The following SMYD3 variants were observed in gnomAD, a reference collection of about 807,000 sequenced individuals.
The protein encoded by SMYD3 is SET and MYND domain containing 3, also known as histone-lysine N-methyltransferase SMYD3.
A neutral mutation model predicts 57.7 loss-of-function variants in SMYD3; 36 were observed. The observed-to-expected ratio is 0.62, with a 90% confidence interval of 0.48 to 0.82. The LOEUF is 0.82. SMYD3 is among the 40% of genes least tolerant of loss of function. The pLI is 0.00. For synonymous variants in SMYD3, 211 were observed against 195.0 expected (o/e 1.08, Z -0.68); for missense variants, 515 against 538.8 (o/e 0.96, Z 0.44).
At chr1:246,420,775 T>C (rs778754925) in intron 1 of SMYD3, among the ~76,000 whole-genome samples, 2 of 152,188 alleles carry the variant, frequency 1.3e-5, no homozygotes, top group Non-Finnish European at 2.9e-5. Context: ...ACTAAAATTA[T>C]AGCATAGGTT....
intron 5 of SMYD3, among the ~76,000 whole-genome samples, chr1:246,004,166 C>G (rs1037936213): frequency 3.9e-5 from 6 of 152,226 alleles, no homozygotes; most frequent in African/African-American, 1.4e-4. Flanking sequence ...ACAGTGCTAA[C>G]ATCTAGAAGG....
chr1:245,847,129 A>G (rs1167828645), intron 10 of SMYD3, among the ~76,000 whole-genome samples: 1 of 152,062 alleles, frequency 6.6e-6, no homozygotes, highest in Non-Finnish European at 1.5e-5. Flanking sequence ...AATAGTACAC[A>G]TTTTTCCATT....
chr1:246,142,822 C>G (rs2061779321), intron 5 of SMYD3, among the ~76,000 whole-genome samples: 1 of 152,094 alleles, frequency 6.6e-6, no homozygotes, highest in South Asian at 2.1e-4. Context: ...TTCTGGACAC[C>G]TACAAACACA....
In SMYD3 at chr1:245,794,990, T is replaced by C. The variant is rs138641164; in HGVS notation, c.1077-30841A>G. Among the ~76,000 whole-genome samples the C allele has an allele frequency of 9.2e-5, 14 of 152,322 alleles. No individual in the cohort carries two copies. The East Asian group carries it at 2.5e-3, about 27-fold the overall frequency. ...AATTTCTGATTGTGAATCTCAGTGG[T>C]TCTCTTTTTGATGCTCTATTTCTTT... On this transcript the variant is annotated intron_variant, in intron 10 of 11. Transcript: ENST00000490107.
chr1:245,836,599 T>C (rs2050118445), intron 10 of SMYD3, among the ~76,000 whole-genome samples: 2 of 152,186 alleles, frequency 1.3e-5, no homozygotes, highest in Non-Finnish European at 2.9e-5. Context: ...TGGACCGTCC[T>C]AAACATGTGA....
chr1:246,435,560 T>C (rs1184329710), intron 1 of SMYD3, among the ~76,000 whole-genome samples: 1 of 151,900 alleles, frequency 6.6e-6, no homozygotes, highest in Non-Finnish European at 1.5e-5. Context: ...GTAACTGTAA[T>C]ACTAGATAAG....
intron 10 of SMYD3, among the ~76,000 whole-genome samples, chr1:245,818,347 G>C (rs1228630899): frequency 2.6e-5 from 4 of 151,968 alleles, no homozygotes; most frequent in South Asian, 2.1e-4. Flanking sequence ...CAAATGCTGA[G>C]AGATTTTGTC....
intron 11 of SMYD3, among the ~76,000 whole-genome samples, chr1:245,763,165 G>A (rs2045925480): frequency 6.6e-6 from 1 of 152,206 alleles, no homozygotes; most frequent in Admixed American, 6.5e-5. Flanking sequence ...TTAGTTTCTT[G>A]ACACTTATTG....
At chr1:246,463,545 C>T (rs139893354) in intron 1 of SMYD3, among the ~76,000 whole-genome samples, 1,978 of 151,048 alleles carry the variant, frequency 0.013, 40 homozygotes, top group African/African-American at 0.044. Flanking sequence ...GGGCCAGGCA[C>T]GGTGGCTCAC....
chr1:246,009,303 A>G (rs1222688925), intron 5 of SMYD3, among the ~76,000 whole-genome samples: 3 of 152,192 alleles, frequency 2.0e-5, no homozygotes, highest in Non-Finnish European at 4.4e-5. Context: ...TGATTTGTCT[A>G]GGTTGTTTTT....
chr1:246,270,459 A>G (rs1017972569), intron 5 of SMYD3, among the ~76,000 whole-genome samples: 1 of 152,218 alleles, frequency 6.6e-6, no homozygotes, highest in Non-Finnish European at 1.5e-5. Flanking sequence ...TAAATTCATT[A>G]AACAGTAACT....
chr1:245,792,138 T>C (rs982748773), intron 10 of SMYD3, among the ~76,000 whole-genome samples: 1 of 152,186 alleles, frequency 6.6e-6, no homozygotes, highest in Non-Finnish European at 1.5e-5. Flanking sequence ...CTCATTCATT[T>C]ATTCATTCTC....
rs2068479629 is a variant in SMYD3 at position 246,502,934 on chromosome 1, C to G, written c.164+4120G>C. On this transcript the variant is annotated intron_variant, in intron 1 of 11. Transcript: ENST00000490107. ...AGTGGTATGAGAGCATTTCAGAATCCCCTGGTACCACAAACTCAACTATCT... is the reference window on the plus strand; with the variant it reads ...AGTGGTATGAGAGCATTTCAGAATCGCCTGGTACCACAAACTCAACTATCT... 1.3e-5 allele frequency among the ~76,000 whole-genome samples: 2 copies of G among 152,232 alleles called. 1 individual carries two copies. The highest frequency in any genetic ancestry group is 2.9e-5 in the Non-Finnish European group (2 of 68,008).
chr1:246,109,605 T>G (rs1054477431), intron 5 of SMYD3, among the ~76,000 whole-genome samples: 1 of 152,248 alleles, frequency 6.6e-6, no homozygotes, highest in African/African-American at 2.4e-5. Flanking sequence ...AGAAAGCCAT[T>G]AACCTGCATT....
At chr1:246,486,275 T>G (rs1470581646) in intron 1 of SMYD3, among the ~76,000 whole-genome samples, 1 of 152,190 alleles carries the variant, frequency 6.6e-6, no homozygotes, top group Non-Finnish European at 1.5e-5. Flanking sequence ...CCAGAATCTA[T>G]CTGACAACAA....
chr1:246,147,124 G>A (rs938132352), intron 5 of SMYD3, among the ~76,000 whole-genome samples: 3 of 152,122 alleles, frequency 2.0e-5, no homozygotes, highest in African/African-American at 7.2e-5. Flanking sequence ...CCATATGTTC[G>A]CTGGTCAGGT....
intron 5 of SMYD3, among the ~76,000 whole-genome samples, chr1:245,965,056 G>GA (rs1284517977): frequency 6.6e-6 from 1 of 151,582 alleles, no homozygotes; most frequent in African/African-American, 2.4e-5. Context: ...CAAAGATAAA[G>GA]AAAAAAAATA....
At chr1:246,327,425 G>T in intron 4 of SMYD3, 88 bp from the exon 5 acceptor site, 1 of 1,135,978 alleles carries the variant, frequency 8.8e-7, no homozygotes, top group Non-Finnish European at 1.3e-6. Context: ...TGTTAAACCA[G>T]ATATTTCCTA....
chr1:246,020,341 G>A (rs554882198), intron 5 of SMYD3, among the ~76,000 whole-genome samples: 15 of 152,298 alleles, frequency 9.8e-5, no homozygotes, highest in East Asian at 7.7e-4. Context: ...ACATTGGGGA[G>A]GCTTCTTGTG....
Sources: gnomAD v4.1 joint callset for allele counts (sites outside exome capture counted in the v4.1 genomes callset) on GRCh38, gnomAD v4.1.1 for gene constraint, MANE v1.5 for transcripts, NCBI Gene and HGNC (gene_info 2026-07-23, HGNC 2026-07-21) for gene names.